Variants in COLGALT2 observed in about 807,000 individuals in gnomAD.
COLGALT2 encodes procollagen galactosyltransferase 2.
COLGALT2 carries 49 observed loss-of-function variants against 73.4 expected under a neutral mutation model. The observed-to-expected ratio is 0.67, with a 90% CI of 0.53 to 0.85. The LOEUF (loss-of-function observed/expected upper bound fraction) is 0.85, where lower values mean the gene tolerates loss of function less well. COLGALT2 is among the 40% of genes least tolerant of loss of function. COLGALT2 has a pLI of 0.00. For missense variants in COLGALT2, 722 were observed against 790.2 expected (o/e 0.91, Z 1.03); for synonymous variants, 295 against 307.6 (o/e 0.96, Z 0.43).
At chr1:183,947,253 A>T (rs1277729061) in intron 8 of COLGALT2, among the ~76,000 whole-genome samples, 1 of 152,214 alleles carries the variant, frequency 6.6e-6, no homozygotes, top group East Asian at 1.9e-4. Context: ...CAGACCTAGC[A>T]GACATCTATA....
At chr1:184,036,983 C>G (rs1334805026) in intron 1 of COLGALT2, 112 bp downstream of exon 1, 2 of 949,682 alleles carry the variant, frequency 2.1e-6, no homozygotes, top group African/African-American at 1.7e-5. Flanking sequence ...CGCGTGCCCC[C>G]CCGCCCCTCC....
In COLGALT2 at chr1:184,021,048, C is replaced by T. The variant is rs147438843; in HGVS notation, c.263+16047G>A. Among the ~76,000 whole-genome samples the T allele has an allele frequency of 7.3e-3, 1,105 of 152,154 alleles. 6 individuals are homozygous for T. Among genetic ancestry groups the T allele is most frequent in the Non-Finnish European group, 8.9e-3 (603 of 68,002 alleles). On this transcript the variant is annotated intron_variant, in intron 1 of 11. Transcript: ENST00000361927. The stretch of plus-strand genomic sequence containing the variant: ...GAGAAGTCACAGGATCTCACTTCTG[C>T]CTATCCTGTCAAGTCACATGATTCA...
At chr1:184,001,956 C>T (rs903427680) in intron 1 of COLGALT2, among the ~76,000 whole-genome samples, 1 of 152,232 alleles carries the variant, frequency 6.6e-6, no homozygotes, top group African/African-American at 2.4e-5. Context: ...ATTTTCATTG[C>T]TTTATAAGGT....
At chr1:183,953,100 C>G (rs1260480631) in intron 7 of COLGALT2, among the ~76,000 whole-genome samples, 2 of 152,192 alleles carry the variant, frequency 1.3e-5, no homozygotes, top group Admixed American at 6.5e-5. Context: ...CAGTTCCAGT[C>G]CCTGCCAGGA....
intron 1 of COLGALT2, among the ~76,000 whole-genome samples, chr1:183,993,598 C>G (rs141860029): frequency 4.6e-5 from 7 of 152,158 alleles, no homozygotes; most frequent in Non-Finnish European, 1.0e-4. Flanking sequence ...GACCAAAGGG[C>G]AGCTCTGAAC....
At chr1:183,929,935 C>G (rs1216243225) in exon 12 of COLGALT2, 1 of 260,652 alleles carries the variant, frequency 3.8e-6, no homozygotes, top group Non-Finnish European at 7.7e-6. Context: ...AGTAGCTTTT[C>G]TCTAACAGCA....
intron 1 of COLGALT2, among the ~76,000 whole-genome samples, chr1:184,001,026 G>T (rs971582848): frequency 6.6e-6 from 1 of 151,838 alleles, no homozygotes; most frequent in African/African-American, 2.4e-5. Flanking sequence ...GTAGAGACGG[G>T]GTTTCACTGT....
chr1:184,025,497 T>C (rs1649306470), intron 1 of COLGALT2, among the ~76,000 whole-genome samples: 1 of 152,220 alleles, frequency 6.6e-6, no homozygotes, highest in Admixed American at 6.5e-5. Flanking sequence ...GGCCAGAGCC[T>C]GGCTAGATGT....
intron 6 of COLGALT2, among the ~76,000 whole-genome samples, chr1:183,958,598 A>C (rs1050443869): frequency 4.0e-5 from 6 of 151,530 alleles, no homozygotes; most frequent in African/African-American, 1.5e-4. Flanking sequence ...AAATATTCAA[A>C]ATCAAATTAG....
chr1:184,037,358 G>C lies in COLGALT2; in HGVS notation c.-1C>G. ...GGGTGGCAGCAGGGCGCGCAGCCAT[G>C]TTCCGGGCCGAGGCGGGCGGCGGGG... is the stretch of plus-strand genomic sequence containing the variant. On this transcript the variant is annotated 5_prime_UTR_variant, in exon 1 of 12. Transcript: ENST00000361927. 2 of 1,431,792 alleles carry C rather than the reference G, an allele frequency of 1.4e-6. No individual in the cohort carries two copies. The highest frequency in any genetic ancestry group is 1.8e-6 in the Non-Finnish European group (2 of 1,090,280). The allele number at this position is 1,431,792 out of a possible 1,614,324, so 88.7% of individuals were successfully genotyped here. A position where few individuals can be genotyped will look rare whatever the true frequency, so the allele number is the denominator to read the frequency against.
chr1:184,031,445 C>A (rs955990544), intron 1 of COLGALT2, among the ~76,000 whole-genome samples: 1 of 152,154 alleles, frequency 6.6e-6, no homozygotes, highest in Non-Finnish European at 1.5e-5. Flanking sequence ...ATCAAGACAG[C>A]GGAAGAGAAC....
chr1:183,999,033 C>A (rs1558331504), intron 1 of COLGALT2, among the ~76,000 whole-genome samples: 1 of 151,746 alleles, frequency 6.6e-6, no homozygotes, highest in Non-Finnish European at 1.5e-5. Context: ...AATTTTTAAC[C>A]TTTTACTTCC....
intron 1 of COLGALT2, among the ~76,000 whole-genome samples, chr1:184,010,926 A>C (rs1672217702): frequency 6.6e-6 from 1 of 152,154 alleles, no homozygotes; most frequent in South Asian, 2.1e-4. Flanking sequence ...GTAGGAAGCC[A>C]ATAGTGCCCT....
chr1:183,950,667 A>G (rs760836367), intron 8 of COLGALT2, among the ~76,000 whole-genome samples: 2 of 152,080 alleles, frequency 1.3e-5, no homozygotes, highest in Non-Finnish European at 2.9e-5. Context: ...TTATGCTCTA[A>G]TTCAGCTCTG....
intron 1 of COLGALT2, among the ~76,000 whole-genome samples, chr1:184,017,737 C>T (rs1019565529): frequency 6.6e-6 from 1 of 152,292 alleles, no homozygotes; most frequent in African/African-American, 2.4e-5. Flanking sequence ...CTGGAGCAGG[C>T]AGACTAAAGT....
chr1:184,028,622 C>G (rs1372634273), intron 1 of COLGALT2, among the ~76,000 whole-genome samples: 1 of 152,204 alleles, frequency 6.6e-6, no homozygotes, highest in African/African-American at 2.4e-5. Flanking sequence ...AGGTAATGAA[C>G]TATTCCAATA....
At chr1:184,036,724 T>C (rs1044845177) in intron 1 of COLGALT2, among the ~76,000 whole-genome samples, 16 of 152,156 alleles carry the variant, frequency 1.1e-4, no homozygotes, top group African/African-American at 3.4e-4. Flanking sequence ...GGGCTAGCAG[T>C]ATGAGGTGGG....
chr1:183,949,908 A>G (rs1385576755), intron 8 of COLGALT2, among the ~76,000 whole-genome samples: 1 of 152,226 alleles, frequency 6.6e-6, no homozygotes, highest in Non-Finnish European at 1.5e-5. Flanking sequence ...CATGTGGTCT[A>G]TGAATGGGAC....
chr1:184,032,431 T>C (rs901171690), intron 1 of COLGALT2, among the ~76,000 whole-genome samples: 1 of 152,144 alleles, frequency 6.6e-6, no homozygotes, highest in African/African-American at 2.4e-5. Flanking sequence ...AGACAGGTGT[T>C]ACTATTAGTT....
Sources: gnomAD v4.1 joint callset for allele counts (sites outside exome capture counted in the v4.1 genomes callset) on GRCh38, gnomAD v4.1.1 for gene constraint, MANE v1.5 for transcripts, NCBI Gene and HGNC (gene_info 2026-07-23, HGNC 2026-07-21) for gene names.